Variants in FKTN observed in about 807,000 individuals in gnomAD.
FKTN encodes the protein ribitol-5-phosphate transferase FKTN.
A neutral mutation model predicts 58.6 loss-of-function variants in FKTN; 47 were observed. The ratio of observed to expected loss-of-function variants is 0.80; its 90% CI spans 0.63 to 1.02. The LOEUF is 1.02. Ranked by LOEUF, FKTN falls within the 50% of genes least tolerant of loss-of-function variation. The probability of loss-of-function intolerance (pLI) is 0.00; values close to 1 mark genes in which losing one functional copy is unlikely to be tolerated. For synonymous variants in FKTN, 178 were observed against 191.9 expected (o/e 0.93, Z 0.60); for missense variants, 516 against 537.3 (o/e 0.96, Z 0.39).
At position 105,601,183 on chromosome 9, in the gene FKTN, A is replaced by C. The variant is rs1827813530; in HGVS notation, c.204A>C (p.Gln68His). The C allele has an allele frequency of 3.1e-6, 5 of 1,611,376 alleles. No homozygotes were observed. Among genetic ancestry groups the C allele is most frequent in the Non-Finnish European group, 3.4e-6 (4 of 1,177,910 alleles). Residue 68 changes from glutamine to histidine, a missense_variant, in exon 5 of 11, where the codon CAA becomes CAC. Coordinates refer to ENST00000357998, the MANE Select transcript of FKTN (RefSeq NM_001079802.2). The part of the protein sequence containing the change: ...VKKFIMLTSN[Q>H]NVPVFLIDPL... The stretch of plus-strand genomic sequence containing the variant: ...AATTTATTATGTTAACATCCAACCA[A>C]AATGTACCAGTGTTTCTTATTGATC...
At chr9:105,607,339 T>C (rs2132882099) in intron 6 of FKTN, among the ~76,000 whole-genome samples, 1 of 152,170 alleles carries the variant, frequency 6.6e-6, no homozygotes, top group Admixed American at 6.5e-5. Flanking sequence ...TAATTAAAAA[T>C]TATGTCACAA....
rs2133161218 is a variant in FKTN, at chr9:105,617,982, A to G, written c.934A>G (p.Ile312Val). 1 of 1,591,830 alleles carries G rather than the reference A, an allele frequency of 6.3e-7. No individual in the cohort carries two copies. Among genetic ancestry groups the G allele is most frequent in the South Asian group, 1.1e-5 (1 of 90,632 alleles). The change falls in exon 9 of 11, where the codon ATT becomes GTT. Residue 312 changes from isoleucine (I) to valine (V), a missense_variant. Coordinates refer to ENST00000357998, the MANE Select transcript of FKTN (RefSeq NM_001079802.2). ...CLGWYRQCNI[I>V]PYSKDVDLGI... ...AGGATGGTATCGACAATGCAACATT[A>G]TTCCTTATAGCAAAGATGTTGACCT...
At chr9:105,633,503 T>G (rs750045603) in intron 10 of FKTN, 1 of 152,170 alleles carries the variant, frequency 6.6e-6, no homozygotes. Flanking sequence ...AGCATCTGAT[T>G]AGAGAGGGTG....
At chr9:105,579,022 C>T (rs965670152) in intron 3 of FKTN, among the ~76,000 whole-genome samples, 4 of 151,574 alleles carry the variant, frequency 2.6e-5, no homozygotes, top group East Asian at 1.9e-4. Flanking sequence ...TCCCCTTTAT[C>T]GTTTTTTATT....
chr9:105,622,200 T>C (rs1250427687), intron 10 of FKTN, among the ~76,000 whole-genome samples: 1 of 152,098 alleles, frequency 6.6e-6, no homozygotes, highest in Non-Finnish European at 1.5e-5. Flanking sequence ...TTAGAATTAC[T>C]GTTCAAACTA....
intron 3 of FKTN, among the ~76,000 whole-genome samples, chr9:105,589,556 A>C (rs557400227): frequency 2.6e-5 from 4 of 152,074 alleles, no homozygotes; most frequent in Non-Finnish European, 5.9e-5. Flanking sequence ...TTCAGGCCCT[A>C]TAAAACTGGA....
At chr9:105,592,128 T>A (rs951462312) in intron 3 of FKTN, among the ~76,000 whole-genome samples, 2 of 152,210 alleles carry the variant, frequency 1.3e-5, no homozygotes, top group African/African-American at 4.8e-5. Flanking sequence ...TTGTCCCCAT[T>A]TTCTTGGCGA....
intron 7 of FKTN, among the ~76,000 whole-genome samples, chr9:105,611,829 G>A (rs1829973883): frequency 1.3e-5 from 2 of 152,030 alleles, no homozygotes; most frequent in South Asian, 4.2e-4. Flanking sequence ...GTCTTTATAA[G>A]AGAATGAATG....
intron 3 of FKTN, among the ~76,000 whole-genome samples, chr9:105,592,811 C>A (rs1845140170): frequency 6.6e-6 from 1 of 152,160 alleles, no homozygotes; most frequent in Non-Finnish European, 1.5e-5. Flanking sequence ...CCATCTGAGA[C>A]TTCCTTAGCC....
At position 105,636,673 on chromosome 9, in the gene FKTN, G is replaced by C; in HGVS notation, c.*1409G>C. The C allele has an allele frequency of 1.6e-6, 2 of 1,266,850 alleles. No individual in the cohort carries two copies. The highest frequency in any genetic ancestry group is 2.7e-5 in the South Asian group (2 of 74,898). The allele number at this position is 1,266,850 out of a possible 1,614,324, so 78.5% of individuals were successfully genotyped here. A position where few individuals can be genotyped will look rare whatever the true frequency, so the allele number is the denominator to read the frequency against. Reference sequence around the variant, plus strand: ...CACTGCTATTTTTCTCTTTGTCTAGGAAAGGAAGCTGAATCTTATATCTTA... The same window carrying C: ...CACTGCTATTTTTCTCTTTGTCTAGCAAAGGAAGCTGAATCTTATATCTTA... On this transcript the variant is annotated 3_prime_UTR_variant, in exon 11 of 11. Coordinates refer to ENST00000357998, the MANE Select transcript of FKTN (RefSeq NM_001079802.2).
chr9:105,603,809 G>C (rs1320774543), intron 5 of FKTN: 1 of 270,470 alleles, frequency 3.7e-6, no homozygotes, highest in Non-Finnish European at 7.2e-6. Context: ...AAGTAGCTGG[G>C]ACTACAGGTA....
intron 1 of FKTN, among the ~76,000 whole-genome samples, chr9:105,564,483 G>A (rs1050410350): frequency 1.1e-4 from 16 of 152,192 alleles, no homozygotes; most frequent in Non-Finnish European, 1.8e-4. Context: ...ACCATAGCAC[G>A]AGAACTACAT....
intron 3 of FKTN, among the ~76,000 whole-genome samples, chr9:105,591,181 C>T (rs898715797): frequency 3.3e-5 from 5 of 152,118 alleles, no homozygotes; most frequent in Admixed American, 1.3e-4. Flanking sequence ...TTATTCTGCC[C>T]CTGGCCCCTC....
intron 4 of FKTN, 68 bp from the exon 5 acceptor site, chr9:105,601,077 A>T: frequency 1.1e-6 from 1 of 884,384 alleles, no homozygotes; most frequent in Non-Finnish European, 1.8e-6. Flanking sequence ...TTAATGAATT[A>T]AAATGTTATA....
chr9:105,591,670 TG>T, intron 3 of FKTN, among the ~76,000 whole-genome samples: 1 of 152,248 alleles, frequency 6.6e-6, no homozygotes, highest in South Asian at 2.1e-4. Context: ...TCTACCACTT[TG>T]GGGTCTGGAG....
In FKTN at chr9:105,558,630, G is replaced by A. The variant is rs146147917; in HGVS notation, c.-181+465G>A. The stretch of plus-strand genomic sequence containing the variant: ...ATTTCTCTTGGCTTCAGTTTTGTCA[G>A]ATGTGGAAAAAAAAAAAAAAGGACC... On this transcript the variant is annotated intron_variant, in intron 1 of 10. Coordinates refer to ENST00000357998, the MANE Select transcript of FKTN (RefSeq NM_001079802.2). 8.3e-3 allele frequency among the ~76,000 whole-genome samples: 1,224 copies of A among 148,314 alleles called. 20 individuals are homozygous for A. The highest frequency in any genetic ancestry group is 0.029 in the African/African-American group (1,166 of 40,002).
chr9:105,625,781 C>T (rs1832668299), intron 10 of FKTN, among the ~76,000 whole-genome samples: 1 of 151,868 alleles, frequency 6.6e-6, no homozygotes, highest in African/African-American at 2.4e-5. Context: ...CTATACAAAG[C>T]AAATGTATGG....
chr9:105,616,908 AT>A (rs1264452028), intron 8 of FKTN, among the ~76,000 whole-genome samples: 1 of 151,620 alleles, frequency 6.6e-6, no homozygotes, highest in Admixed American at 6.6e-5. Context: ...CATCTCACAC[AT>A]TTATGTGATA....
intron 3 of FKTN, among the ~76,000 whole-genome samples, chr9:105,595,041 G>A (rs1159057472): frequency 6.6e-6 from 1 of 152,180 alleles, no homozygotes; most frequent in East Asian, 1.9e-4. Context: ...CAGCATGAAT[G>A]AACTTTGAAA....
Sources: gnomAD v4.1 joint callset for allele counts (sites outside exome capture counted in the v4.1 genomes callset) on GRCh38, gnomAD v4.1.1 for gene constraint, MANE v1.5 for transcripts, NCBI Gene and HGNC (gene_info 2026-07-23, HGNC 2026-07-21) for gene names.